Variants in LRFN2 observed in about 807,000 individuals in gnomAD.
The protein encoded by LRFN2 is leucine-rich repeat and fibronectin type-III domain-containing protein 2.
A neutral mutation model predicts 37.3 loss-of-function variants in LRFN2; 18 were observed. The ratio of observed to expected loss-of-function variants is 0.48; its 90% CI spans 0.33 to 0.72. The LOEUF (loss-of-function observed/expected upper bound fraction) is 0.72. Among genes scored for constraint, LRFN2 ranks in the 30% least tolerant of loss-of-function variants. The probability of loss-of-function intolerance (pLI) is 0.02; values close to 1 mark genes in which losing one functional copy is unlikely to be tolerated. For synonymous variants in LRFN2, 556 were observed against 466.6 expected, an observed-to-expected ratio of 1.19 and a Z score of -2.47; for missense variants, 1,006 against 1,060.7, an observed-to-expected ratio of 0.95 and a Z score of 0.72.
chr6:40,586,019 C>T (rs1767496724), intron 1 of LRFN2, among the ~76,000 whole-genome samples: 1 of 152,118 alleles, frequency 6.6e-6, no homozygotes, highest in Non-Finnish European at 1.5e-5. Context: ...CATTTGGCAA[C>T]AGTCTGGCTC....
chr6:40,491,592 G>T (rs868496857), intron 1 of LRFN2, among the ~76,000 whole-genome samples: 2 of 146,602 alleles, frequency 1.4e-5, no homozygotes, highest in Non-Finnish European at 3.0e-5. Flanking sequence ...CTATTTTGCC[G>T]TGTGACTGTG....
intron 1 of LRFN2, among the ~76,000 whole-genome samples, chr6:40,447,405 T>C (rs1182778533): frequency 6.6e-6 from 1 of 152,170 alleles, no homozygotes; most frequent in Non-Finnish European, 1.5e-5. Context: ...TTCCCCAAAT[T>C]TGCCTACCTT....
At chr6:40,411,054 G>A (rs1762954882) in intron 2 of LRFN2, among the ~76,000 whole-genome samples, 1 of 152,238 alleles carries the variant, frequency 6.6e-6, no homozygotes. Context: ...ATCTTAGTGT[G>A]GAAGTAATCA....
At position 40,558,303 on chromosome 6, in the gene LRFN2, A is replaced by G. The variant is rs1044323696; in HGVS notation, c.-19+28638T>C. 2.0e-5 allele frequency among the ~76,000 whole-genome samples: 3 copies of G among 151,684 alleles called. No individual in the cohort carries two copies. In the East Asian group the frequency reaches 5.8e-4, roughly 29 times the overall value. Reference sequence around the variant, plus strand: ...TGGCTCCTGAGGAGACATTGCATGGACTCTTTTCCTGCCTGCAGCTTTGTG... The same window carrying G: ...TGGCTCCTGAGGAGACATTGCATGGGCTCTTTTCCTGCCTGCAGCTTTGTG... On this transcript the variant is annotated intron_variant, in intron 1 of 2. Transcript: ENST00000338305.
At chr6:40,457,724 G>C (rs1335221508) in intron 1 of LRFN2, among the ~76,000 whole-genome samples, 1 of 151,804 alleles carries the variant, frequency 6.6e-6, no homozygotes, top group Non-Finnish European at 1.5e-5. Flanking sequence ...TTTACCATGG[G>C]ATCTTGTGCA....
At chr6:40,562,869 A>ACACACC in intron 1 of LRFN2, among the ~76,000 whole-genome samples, 1 of 147,760 alleles carries the variant, frequency 6.8e-6, no homozygotes, top group South Asian at 2.1e-4. Context: ...ACACACACAC[A>ACACACC]CTCTATTATC....
At chr6:40,430,789 G>C (rs1763459906) in intron 2 of LRFN2, among the ~76,000 whole-genome samples, 1 of 152,172 alleles carries the variant, frequency 6.6e-6, no homozygotes, top group African/African-American at 2.4e-5. Flanking sequence ...AGGTGAGAGG[G>C]CTGATGCTAC....
chr6:40,570,243 G>A (rs1248090880), intron 1 of LRFN2, among the ~76,000 whole-genome samples: 1 of 152,066 alleles, frequency 6.6e-6, no homozygotes, highest in East Asian at 1.9e-4. Context: ...TATTGAGCTG[G>A]GCACTATTCT....
intron 1 of LRFN2, among the ~76,000 whole-genome samples, chr6:40,548,651 A>G (rs1397919182): frequency 1.3e-5 from 2 of 152,312 alleles, no homozygotes; most frequent in East Asian, 3.9e-4. Context: ...AATGCATTTT[A>G]ATTCTGGAGG....
chr6:40,515,257 T>A (rs1173832848), intron 1 of LRFN2, among the ~76,000 whole-genome samples: 2 of 152,130 alleles, frequency 1.3e-5, no homozygotes, highest in Non-Finnish European at 2.9e-5. Flanking sequence ...TCATATATGT[T>A]GTGGCCAGCG....
intron 1 of LRFN2, among the ~76,000 whole-genome samples, chr6:40,441,300 C>G (rs553661820): frequency 6.6e-6 from 1 of 152,060 alleles, no homozygotes; most frequent in African/African-American, 2.4e-5. Context: ...GGTGTGAACG[C>G]GGAGGCTAGA....
chr6:40,586,421 C>T (rs1019173094), intron 1 of LRFN2, among the ~76,000 whole-genome samples: 1 of 152,188 alleles, frequency 6.6e-6, no homozygotes, highest in Non-Finnish European at 1.5e-5. Context: ...TACCTGCCCC[C>T]ACAAACTGCA....
At chr6:40,394,509 C>G (rs1034272262) in intron 2 of LRFN2, among the ~76,000 whole-genome samples, 7 of 152,162 alleles carry the variant, frequency 4.6e-5, no homozygotes, top group African/African-American at 1.7e-4. Flanking sequence ...GGGATCCATG[C>G]ACAGAGGACT....
chr6:40,445,677 A>G (rs1362515071), intron 1 of LRFN2, among the ~76,000 whole-genome samples: 2 of 152,192 alleles, frequency 1.3e-5, no homozygotes, highest in Admixed American at 1.3e-4. Context: ...CCGGCTTGAG[A>G]AGTGCTGGCT....
At chr6:40,409,361 G>A (rs972210369) in intron 2 of LRFN2, among the ~76,000 whole-genome samples, 3 of 152,078 alleles carry the variant, frequency 2.0e-5, no homozygotes, top group Non-Finnish European at 4.4e-5. Flanking sequence ...TTTGAGCCTC[G>A]CCTTCACAGT....
At chr6:40,541,635 C>T (rs1395996624) in intron 1 of LRFN2, among the ~76,000 whole-genome samples, 1 of 152,152 alleles carries the variant, frequency 6.6e-6, no homozygotes, top group Non-Finnish European at 1.5e-5. Flanking sequence ...AGAGAGAAGG[C>T]TTGGGGTGTG....
chr6:40,435,055 A>ATATG (rs1763622019), intron 1 of LRFN2, among the ~76,000 whole-genome samples: 2 of 76,344 alleles, frequency 2.6e-5, no homozygotes, highest in Non-Finnish European at 5.0e-5. Flanking sequence ...ATATATATAG[A>ATATG]GAGAGAGAGA....
At chr6:40,471,550 G>A (rs1764595545) in intron 1 of LRFN2, among the ~76,000 whole-genome samples, 2 of 152,168 alleles carry the variant, frequency 1.3e-5, no homozygotes, top group African/African-American at 4.8e-5. Flanking sequence ...TTCCTGCTCT[G>A]CTTTTGAGGA....
intron 2 of LRFN2, among the ~76,000 whole-genome samples, chr6:40,398,345 G>A (rs1762657886): frequency 6.6e-6 from 1 of 151,844 alleles, no homozygotes; most frequent in South Asian, 2.1e-4. Context: ...AAGCTGCCAG[G>A]GGCAACCTTA....
Sources: gnomAD v4.1 joint callset for allele counts (sites outside exome capture counted in the v4.1 genomes callset) on GRCh38, gnomAD v4.1.1 for gene constraint, MANE v1.5 for transcripts, NCBI Gene and HGNC (gene_info 2026-07-23, HGNC 2026-07-21) for gene names.